Variants in RALA observed in about 807,000 individuals in gnomAD.
RALA encodes the protein RAS like proto-oncogene A.
RALA carries 5 observed loss-of-function variants against 24.0 expected under a neutral mutation model. The observed-to-expected ratio is 0.21, with a 90% CI of 0.11 to 0.44. RALA has a LOEUF of 0.44. Ranked by LOEUF, RALA falls within the 20% of genes least tolerant of loss-of-function variation. The pLI is 0.99. For missense variants in RALA, 95 were observed against 241.2 expected (o/e 0.39, Z 4.01); for synonymous variants, 77 against 83.8 (o/e 0.92, Z 0.44).
chr7:39,700,059 G>A (rs989055607), intron 4 of RALA, among the ~76,000 whole-genome samples: 1 of 152,082 alleles, frequency 6.6e-6, no homozygotes, highest in Admixed American at 6.5e-5. Context: ...GAGATTTTGG[G>A]ATCCACGGGC....
At position 39,642,065 on chromosome 7, in the gene RALA, A is replaced by G. The variant is rs553846582; in HGVS notation, c.-38+18240A>G. 1.6e-4 allele frequency among the ~76,000 whole-genome samples: 24 copies of G among 152,220 alleles called. 1 individual carries two copies. Among genetic ancestry groups the G allele is most frequent in the Non-Finnish European group, 2.8e-4 (19 of 68,042 alleles). On this transcript the variant is annotated intron_variant, in intron 1 of 4. Coordinates refer to ENST00000005257, the MANE Select transcript of RALA (RefSeq NM_005402.4). ...CATCTTGTATATTTTTCTACCCAAG[A>G]GAGAGACTAAAGATCACCTCTACCC...
chr7:39,638,073 C>CT (rs1791714738), intron 1 of RALA, among the ~76,000 whole-genome samples: 1 of 152,102 alleles, frequency 6.6e-6, no homozygotes, highest in African/African-American at 2.4e-5. Context: ...ATGTCTCTCT[C>CT]TTTTTTTAAA....
chr7:39,631,921 T>C (rs1158240582), intron 1 of RALA, among the ~76,000 whole-genome samples: 1 of 152,176 alleles, frequency 6.6e-6, no homozygotes. Flanking sequence ...CACCAACATC[T>C]GCTTGGCGAG....
chr7:39,637,079 A>T (rs1791695619), intron 1 of RALA, among the ~76,000 whole-genome samples: 2 of 152,374 alleles, frequency 1.3e-5, no homozygotes, highest in South Asian at 4.1e-4. Context: ...CACACTGTTA[A>T]AATTTGTGGT....
At chr7:39,704,777 G>A (rs1338038589) in intron 4 of RALA, among the ~76,000 whole-genome samples, 1 of 152,002 alleles carries the variant, frequency 6.6e-6, no homozygotes, top group Non-Finnish European at 1.5e-5. Context: ...CTGGGTTCAA[G>A]CAATTCTTGT....
intron 1 of RALA, among the ~76,000 whole-genome samples, chr7:39,683,146 C>G (rs1379404155): frequency 6.6e-6 from 1 of 152,102 alleles, no homozygotes; most frequent in Non-Finnish European, 1.5e-5. Context: ...GGATTCCCAG[C>G]CTTCAGAAGT....
At chr7:39,641,921 A>T (rs1188581581) in intron 1 of RALA, among the ~76,000 whole-genome samples, 2 of 152,204 alleles carry the variant, frequency 1.3e-5, no homozygotes, top group African/African-American at 2.4e-5. Context: ...TTTCTTCCAT[A>T]TAGTACTTTT....
intron 1 of RALA, among the ~76,000 whole-genome samples, chr7:39,681,305 T>TTTTTTG (rs1792596708): frequency 2.8e-5 from 1 of 36,196 alleles, no homozygotes; most frequent in Admixed American, 3.7e-4. Context: ...CCTATTCCTT[T>TTTTTTG]TTTTTTTTTT....
At chr7:39,649,038 C>T (rs1274317547) in intron 1 of RALA, among the ~76,000 whole-genome samples, 4 of 152,114 alleles carry the variant, frequency 2.6e-5, no homozygotes, top group South Asian at 4.2e-4. Context: ...CCAGCCTGTG[C>T]GACAGAGCGA....
intron 1 of RALA, among the ~76,000 whole-genome samples, chr7:39,634,074 A>T (rs1791645414): frequency 6.6e-6 from 1 of 152,062 alleles, no homozygotes; most frequent in South Asian, 2.1e-4. Flanking sequence ...GTGGTAGGGT[A>T]TTTATTAATT....
At chr7:39,666,020 T>C (rs1487843268) in intron 1 of RALA, among the ~76,000 whole-genome samples, 1 of 152,168 alleles carries the variant, frequency 6.6e-6, no homozygotes, top group East Asian at 1.9e-4. Context: ...TGACACAGAA[T>C]AAGCACTCAA....
intron 2 of RALA, among the ~76,000 whole-genome samples, chr7:39,689,158 A>T (rs1049123657): frequency 6.6e-6 from 1 of 152,192 alleles, no homozygotes; most frequent in Non-Finnish European, 1.5e-5. Flanking sequence ...GGGTGGGGAC[A>T]CAGAGCCAAA....
At chr7:39,697,613 C>A in intron 4 of RALA, 1 of 312,510 alleles carries the variant, frequency 3.2e-6, no homozygotes, top group Non-Finnish European at 6.5e-6. Context: ...AAAAGAACTG[C>A]CTGTAAATCT....
At chr7:39,692,040 A>C (rs1311568859) in intron 3 of RALA, among the ~76,000 whole-genome samples, 1 of 152,236 alleles carries the variant, frequency 6.6e-6, no homozygotes, top group Non-Finnish European at 1.5e-5. Flanking sequence ...GCGTACCTCC[A>C]ATGCCTCTGC....
intron 1 of RALA, among the ~76,000 whole-genome samples, chr7:39,650,003 TA>T (rs1349207195): frequency 2.0e-5 from 3 of 152,056 alleles, no homozygotes; most frequent in Non-Finnish European, 4.4e-5. Context: ...TGGGAGAGAA[TA>T]AAAGGAACAG....
intron 1 of RALA, among the ~76,000 whole-genome samples, chr7:39,666,442 TA>T (rs1375542578): frequency 6.6e-6 from 1 of 152,228 alleles, no homozygotes; most frequent in African/African-American, 2.4e-5. Flanking sequence ...GAGTCTGTGC[TA>T]AACAGATTTG....
intron 1 of RALA, among the ~76,000 whole-genome samples, chr7:39,632,188 A>G (rs1791608265): frequency 6.6e-6 from 1 of 152,214 alleles, no homozygotes; most frequent in African/African-American, 2.4e-5. Context: ...TCAACATGAA[A>G]CTTGGAAGAG....
chr7:39,630,899 T>C (rs1256802692), intron 1 of RALA, among the ~76,000 whole-genome samples: 4 of 152,236 alleles, frequency 2.6e-5, no homozygotes, highest in Non-Finnish European at 5.9e-5. Context: ...TTGGTAGGGC[T>C]AGTCACCCAT....
At chr7:39,692,176 A>T (rs1316461846) in intron 3 of RALA, among the ~76,000 whole-genome samples, 1 of 152,198 alleles carries the variant, frequency 6.6e-6, no homozygotes, top group East Asian at 1.9e-4. Flanking sequence ...AAAAATAAAT[A>T]AAACAGTAGC....
Sources: gnomAD v4.1 joint callset for allele counts (sites outside exome capture counted in the v4.1 genomes callset) on GRCh38, gnomAD v4.1.1 for gene constraint, MANE v1.5 for transcripts, NCBI Gene and HGNC (gene_info 2026-07-23, HGNC 2026-07-21) for gene names.